The following NRXN3 variants were observed in gnomAD, a reference collection of about 807,000 sequenced individuals.
NRXN3 encodes neurexin III.
Under a neutral mutation model 137.6 loss-of-function variants are expected in NRXN3, and 32 were observed. The ratio of observed to expected loss-of-function variants is 0.23; its 90% CI spans 0.18 to 0.31. The LOEUF (loss-of-function observed/expected upper bound fraction) is 0.31. Among genes scored for constraint, NRXN3 ranks in the 10% least tolerant of loss-of-function variants. The probability of loss-of-function intolerance (pLI) is 1.00; values close to 1 mark genes in which losing one functional copy is unlikely to be tolerated. For synonymous variants in NRXN3, 798 were observed against 784.5 expected (o/e 1.02, Z -0.29); for missense variants, 1,574 against 2,062.5 (o/e 0.76, Z 4.59).
intron 17 of NRXN3, among the ~76,000 whole-genome samples, chr14:79,689,127 C>T (rs1364625927): frequency 2.0e-5 from 3 of 151,864 alleles, no homozygotes; most frequent in Admixed American, 1.3e-4. Context: ...ACTCATAGGG[C>T]CATTCTTTCT....
chr14:79,235,061 T>C (rs2073137450), intron 15 of NRXN3, among the ~76,000 whole-genome samples: 1 of 152,176 alleles, frequency 6.6e-6, no homozygotes, highest in Admixed American at 6.6e-5. Context: ...AGTATGTTTT[T>C]AGAACTTGAA....
intron 4 of NRXN3, among the ~76,000 whole-genome samples, chr14:78,624,515 G>A (rs1056208334): frequency 3.9e-5 from 6 of 152,198 alleles, no homozygotes; most frequent in Admixed American, 1.3e-4. Context: ...GCACAGGGGC[G>A]GGGCCAGGTG....
At chr14:79,048,583 T>G (rs1595365273) in intron 15 of NRXN3, among the ~76,000 whole-genome samples, 1 of 151,980 alleles carries the variant, frequency 6.6e-6, no homozygotes, top group East Asian at 2.0e-4. Flanking sequence ...AGTACTTTAT[T>G]GCTAAAAAAT....
chr14:79,231,823 G>A (rs2072256589), intron 15 of NRXN3, among the ~76,000 whole-genome samples: 1 of 152,054 alleles, frequency 6.6e-6, no homozygotes, highest in African/African-American at 2.4e-5. Flanking sequence ...TGAAATAGTA[G>A]TCCTCCATTT....
At chr14:78,895,956 C>T (rs2152723110) in intron 10 of NRXN3, among the ~76,000 whole-genome samples, 1 of 151,872 alleles carries the variant, frequency 6.6e-6, no homozygotes, top group Admixed American at 6.6e-5. Flanking sequence ...CATCAAAGAT[C>T]ACTCATCAAA....
chr14:79,707,278 A>G (rs1311730898), intron 19 of NRXN3, among the ~76,000 whole-genome samples: 1 of 152,198 alleles, frequency 6.6e-6, no homozygotes, highest in South Asian at 2.1e-4. Context: ...AGTTAAGCAA[A>G]TGCTTATCAT....
chr14:79,175,868 A>G (rs1239951974), intron 15 of NRXN3, among the ~76,000 whole-genome samples: 1 of 151,446 alleles, frequency 6.6e-6, no homozygotes, highest in Non-Finnish European at 1.5e-5. Context: ...GTTACAAAAC[A>G]GTGTTGTAGT....
chr14:79,789,208 G>A (rs1436804162), intron 19 of NRXN3, among the ~76,000 whole-genome samples: 1 of 152,130 alleles, frequency 6.6e-6, no homozygotes, highest in Non-Finnish European at 1.5e-5. Flanking sequence ...ATTAACAGGA[G>A]GAGGTAAGGG....
At chr14:79,176,316 C>T (rs1268503333) in intron 15 of NRXN3, among the ~76,000 whole-genome samples, 1 of 152,138 alleles carries the variant, frequency 6.6e-6, no homozygotes, top group Non-Finnish European at 1.5e-5. Context: ...TGATTGTAAA[C>T]CTGAAAGTGT....
intron 15 of NRXN3, among the ~76,000 whole-genome samples, chr14:79,101,760 T>C (rs1242329076): frequency 1.3e-5 from 2 of 152,152 alleles, no homozygotes; most frequent in African/African-American, 4.8e-5. Flanking sequence ...TGTGACCTTA[T>C]TTGGAAGGAG....
chr14:79,019,543 A>G (rs1232055805), intron 15 of NRXN3, among the ~76,000 whole-genome samples: 1 of 152,130 alleles, frequency 6.6e-6, no homozygotes, highest in Non-Finnish European at 1.5e-5. Context: ...AGAAAGGTGC[A>G]CTTGAATAGA....
At chr14:78,270,504 G>A (rs967793620) in intron 2 of NRXN3, among the ~76,000 whole-genome samples, 4 of 152,310 alleles carry the variant, frequency 2.6e-5, no homozygotes, top group South Asian at 2.1e-4. Flanking sequence ...TCACCCTGCC[G>A]TGTGGGAGAC....
intron 15 of NRXN3, among the ~76,000 whole-genome samples, chr14:79,290,001 A>G (rs928882436): frequency 7.9e-5 from 12 of 151,918 alleles, no homozygotes; most frequent in African/African-American, 2.9e-4. Flanking sequence ...TCCCTTTTTT[A>G]TTGTTTTGAA....
intron 15 of NRXN3, among the ~76,000 whole-genome samples, chr14:79,213,685 G>A (rs1395359119): frequency 6.6e-6 from 1 of 151,740 alleles, no homozygotes; most frequent in Non-Finnish European, 1.5e-5. Context: ...AAGACAAAAC[G>A]AGGATTTATT....
chr14:78,886,520 C>T (rs1039886482), intron 10 of NRXN3, among the ~76,000 whole-genome samples: 1 of 151,654 alleles, frequency 6.6e-6, no homozygotes, highest in Admixed American at 6.6e-5. Flanking sequence ...TTTCTGATCC[C>T]AAACACTTTA....
At chr14:78,766,591 A>G (rs1239649778) in intron 8 of NRXN3, among the ~76,000 whole-genome samples, 1 of 152,190 alleles carries the variant, frequency 6.6e-6, no homozygotes, top group African/African-American at 2.4e-5. Context: ...TTGAACTCCC[A>G]TATTTCTTTC....
intron 4 of NRXN3, among the ~76,000 whole-genome samples, chr14:78,475,802 AGAG>A (rs1347330713): frequency 6.6e-6 from 1 of 152,214 alleles, no homozygotes; most frequent in African/African-American, 2.4e-5. Context: ...TGCATTGCTT[AGAG>A]AAGAAGAGGA....
chr14:78,796,844 T>C (rs1011012296), intron 8 of NRXN3, among the ~76,000 whole-genome samples: 20 of 152,048 alleles, frequency 1.3e-4, no homozygotes, highest in African/African-American at 4.6e-4. Flanking sequence ...GTGCTATTCC[T>C]AGGAAAACAA....
intron 15 of NRXN3, among the ~76,000 whole-genome samples, chr14:78,993,609 C>T (rs2099523354): frequency 1.3e-5 from 2 of 152,122 alleles, no homozygotes; most frequent in Non-Finnish European, 2.9e-5. Flanking sequence ...TTCATTCACT[C>T]ACCAAACATT....
Sources: allele counts gnomAD v4.1 joint callset (sites outside exome capture counted in the v4.1 genomes callset), GRCh38; gene constraint gnomAD v4.1.1; transcripts MANE v1.5; gene names NCBI Gene and HGNC (gene_info 2026-07-23, HGNC 2026-07-21).